The following RBFOX3 variants were observed in gnomAD, a reference collection of about 807,000 sequenced individuals.
The protein encoded by RBFOX3 is RNA binding fox-1 homolog 3.
A neutral mutation model predicts 48.7 loss-of-function variants in RBFOX3; 17 were observed. The ratio of observed to expected loss-of-function variants is 0.35; its 90% confidence interval spans 0.24 to 0.52. The LOEUF is 0.52. RBFOX3 is among the 20% of genes least tolerant of loss of function. The probability of loss-of-function intolerance (pLI) is 0.94; values close to 1 mark genes in which losing one functional copy is unlikely to be tolerated. For synonymous variants in RBFOX3, 212 were observed against 209.5 expected, an observed-to-expected ratio of 1.01 and a Z score of -0.10; for missense variants, 382 against 497.5, an observed-to-expected ratio of 0.77 and a Z score of 2.21.
At chr17:79,350,408 C>G (rs2083691447) in intron 2 of RBFOX3, among the ~76,000 whole-genome samples, 1 of 152,242 alleles carries the variant, frequency 6.6e-6, no homozygotes, top group African/African-American at 2.4e-5. Context: ...GGGACCCTGA[C>G]TGATACATCC....
intron 4 of RBFOX3, among the ~76,000 whole-genome samples, chr17:79,172,975 G>A (rs983976890): frequency 6.6e-6 from 1 of 152,218 alleles, no homozygotes; most frequent in Non-Finnish European, 1.5e-5. Context: ...TTGGGAGGCC[G>A]AGGTGGGTGG....
chr17:79,146,740 C>T (rs1041902977), intron 4 of RBFOX3, among the ~76,000 whole-genome samples: 2 of 152,182 alleles, frequency 1.3e-5, no homozygotes, highest in African/African-American at 4.8e-5. Context: ...TCCATGGGGG[C>T]CTGGGCCTGC....
rs559415859 is a variant in RBFOX3, at chr17:79,377,999, A to G, written c.-174-70175T>C. Among the ~76,000 whole-genome samples, 3 of 152,336 alleles carry G rather than the reference A, an allele frequency of 2.0e-5. No homozygotes were observed. The South Asian group carries it at 6.2e-4, about 32-fold the overall frequency. On this transcript the variant is annotated intron_variant, in intron 2 of 14. Transcript: ENST00000693108. ...GGAAAGTGTCTTAATATAGGATAGG[A>G]ATATATTCATTTTTATACCAATGCA...
intron 1 of RBFOX3, among the ~76,000 whole-genome samples, chr17:79,591,502 C>T (rs1348676813): frequency 6.6e-6 from 1 of 152,186 alleles, no homozygotes; most frequent in African/African-American, 2.4e-5. Context: ...CAGGCACAGC[C>T]TGAAGTGATA....
At chr17:79,275,123 C>CCTCTCTCTCTCTCTCT (rs368963249) in intron 3 of RBFOX3, among the ~76,000 whole-genome samples, 1,841 of 130,514 alleles carry the variant, frequency 0.014, 22 homozygotes, top group Non-Finnish European at 0.021. Context: ...TCCATGTCTC[C>CCTCTCTCTCTCTCTCT]CTCTCTCTCT....
At chr17:79,149,434 C>T (rs899568705) in intron 4 of RBFOX3, among the ~76,000 whole-genome samples, 2 of 152,160 alleles carry the variant, frequency 1.3e-5, no homozygotes, top group African/African-American at 2.4e-5. Flanking sequence ...GATTGGAACA[C>T]GGGCATTGCT....
Position 79,106,720 on chromosome 17 carries a change from C to A in RBFOX3, c.291G>T (p.Gln97His). 6.7e-7 allele frequency: 1 copy of A among 1,501,886 alleles called. No homozygotes were observed. Among genetic ancestry groups the A allele is most frequent in the Admixed American group, 2.6e-5 (1 of 38,524 alleles). 93.0% of individuals were successfully genotyped at this position (1,501,886 alleles called of 1,614,324 possible). Residue 97 changes from glutamine to histidine, a missense_variant, in exon 6 of 15, where the codon CAG becomes CAT. This residue lies in a region of RBFOX3 where 118 missense variants were observed against 132.1 expected (regional missense o/e 0.89). Coordinates refer to ENST00000693108, the MANE Select transcript of RBFOX3 (RefSeq NM_001350451.2). The part of the protein sequence containing the change: ...LHPSDPTEKQ[Q>H]PKRLHVSNIP... ...TGTTGGAGACGTGTAGCCGCTTGGGCTGCTGCTTCTCTGTAGGGTCGGAGG... is the reference window on the plus strand; with the variant it reads ...TGTTGGAGACGTGTAGCCGCTTGGGATGCTGCTTCTCTGTAGGGTCGGAGG...
Position 79,188,263 on chromosome 17 carries a change from A to T in RBFOX3, c.-34+47503T>A, listed in dbSNP as rs540566720. Among the ~76,000 whole-genome samples the T allele has an allele frequency of 4.6e-5, 7 of 152,276 alleles. No homozygotes were observed. The South Asian group carries it at 1.5e-3, about 32-fold the overall frequency. On this transcript the variant is annotated intron_variant, in intron 4 of 14. Coordinates refer to ENST00000693108, the MANE Select transcript of RBFOX3 (RefSeq NM_001350451.2). ...CTCTGCCAGGGGTCCTCAGCAGTGCAGAGGGAAAGCTAAGCCCAGCCCAGC... is the reference window on the plus strand; with the variant it reads ...CTCTGCCAGGGGTCCTCAGCAGTGCTGAGGGAAAGCTAAGCCCAGCCCAGC...
the RBFOX3 span, among the ~76,000 whole-genome samples, chr17:79,619,481 G>A: frequency 1.3e-5 from 2 of 152,178 alleles, no homozygotes; most frequent in African/African-American, 4.8e-5. Flanking sequence ...CTCCGCCTCT[G>A]TCTTCATGCA....
chr17:79,520,333 G>C (rs1182311393), intron 1 of RBFOX3, among the ~76,000 whole-genome samples: 3 of 152,226 alleles, frequency 2.0e-5, no homozygotes, highest in African/African-American at 4.8e-5. Context: ...GTGCAGGGCA[G>C]CTGCCAACCT....
chr17:79,518,365 G>A (rs1441580618), intron 1 of RBFOX3, among the ~76,000 whole-genome samples: 3 of 152,244 alleles, frequency 2.0e-5, no homozygotes, highest in Non-Finnish European at 4.4e-5. Flanking sequence ...GAGTGACACT[G>A]TTTGGGAGAA....
At chr17:79,521,937 T>G (rs1410245767) in intron 1 of RBFOX3, among the ~76,000 whole-genome samples, 2 of 152,150 alleles carry the variant, frequency 1.3e-5, no homozygotes, top group Non-Finnish European at 2.9e-5. Context: ...AGTTTTTCAG[T>G]GAAGTCGGTG....
chr17:79,207,373 C>T (rs2057651157), intron 4 of RBFOX3, among the ~76,000 whole-genome samples: 1 of 152,338 alleles, frequency 6.6e-6, no homozygotes, highest in Non-Finnish European at 1.5e-5. Flanking sequence ...CCCCAGTGTC[C>T]CTCGATTAGC....
intron 1 of RBFOX3, among the ~76,000 whole-genome samples, chr17:79,558,541 C>T (rs1310919785): frequency 6.6e-6 from 1 of 152,078 alleles, no homozygotes; most frequent in Non-Finnish European, 1.5e-5. Flanking sequence ...GGAGGCAAGA[C>T]CACAGTCAGG....
chr17:79,397,493 C>CCCA (rs1555707645), intron 2 of RBFOX3, among the ~76,000 whole-genome samples: 1 of 119,704 alleles, frequency 8.4e-6, no homozygotes, highest in African/African-American at 2.8e-5. Flanking sequence ...ACTCCATCCC[C>CCCA]AAAAAAAAAA....
At chr17:79,113,912 C>T (rs1013688649) in intron 5 of RBFOX3, among the ~76,000 whole-genome samples, 6 of 152,100 alleles carry the variant, frequency 3.9e-5, no homozygotes, top group Non-Finnish European at 5.9e-5. Context: ...TGTCTGGTGG[C>T]CCCAGGTGTC....
At chr17:79,379,893 C>G (rs62063992) in intron 2 of RBFOX3, among the ~76,000 whole-genome samples, 39,316 of 152,030 alleles carry the variant, frequency 0.26, 5,778 homozygotes, top group Admixed American at 0.38. Context: ...CAGGCCCGCA[C>G]GAGTCTGCAT....
chr17:79,194,577 T>TA (rs2055166071), intron 4 of RBFOX3, among the ~76,000 whole-genome samples: 1 of 151,810 alleles, frequency 6.6e-6, no homozygotes, highest in Non-Finnish European at 1.5e-5. Flanking sequence ...GCCACTGTAC[T>TA]CTAGCCTGGG....
intron 1 of RBFOX3, among the ~76,000 whole-genome samples, chr17:79,517,229 T>G (rs1048365502): frequency 7.2e-5 from 11 of 152,046 alleles, no homozygotes; most frequent in African/African-American, 2.7e-4. Flanking sequence ...GTGGATTACT[T>G]AAGGTCAGGA....
Sources: allele counts gnomAD v4.1 joint callset (sites outside exome capture counted in the v4.1 genomes callset), GRCh38; gene constraint gnomAD v4.1.1; regional missense constraint gnomAD v4.1.1; transcripts MANE v1.5; gene names NCBI Gene and HGNC (gene_info 2026-07-23, HGNC 2026-07-21).